Variants in PTPRD observed in about 807,000 individuals in gnomAD.
The protein encoded by PTPRD is receptor-type tyrosine-protein phosphatase delta.
PTPRD carries 34 observed loss-of-function variants against 214.5 expected under a neutral mutation model. That is an observed-to-expected ratio of 0.16 (90% CI 0.12 to 0.21). PTPRD has a LOEUF of 0.21. Ranked by LOEUF, PTPRD falls within the 10% of genes least tolerant of loss-of-function variation. The probability of loss-of-function intolerance (pLI) is 1.00; values close to 1 mark genes in which losing one functional copy is unlikely to be tolerated. For synonymous variants in PTPRD, 1,128 were observed against 845.7 expected (o/e 1.33, Z -5.79); for missense variants, 2,545 against 2,398.7 (o/e 1.06, Z -1.27).
At chr9:8,705,818 AT>A (rs2098194180) in intron 12 of PTPRD, among the ~76,000 whole-genome samples, 1 of 152,218 alleles carries the variant, frequency 6.6e-6, no homozygotes, top group Non-Finnish European at 1.5e-5. Context: ...AGTAAAGGCA[AT>A]TCCCTAGGTG....
chr9:9,444,371 G>A (rs2089591854), intron 8 of PTPRD, among the ~76,000 whole-genome samples: 1 of 152,114 alleles, frequency 6.6e-6, no homozygotes, highest in Non-Finnish European at 1.5e-5. Flanking sequence ...TCTGAGTTAT[G>A]TAAATCCTTC....
intron 36 of PTPRD, among the ~76,000 whole-genome samples, chr9:8,396,330 C>A (rs949070790): frequency 2.6e-5 from 4 of 152,046 alleles, no homozygotes; most frequent in African/African-American, 4.8e-5. Flanking sequence ...CTGGAAGGCC[C>A]CTTTCTAGCT....
chr9:10,129,543 G>T (rs1412206008), intron 3 of PTPRD, among the ~76,000 whole-genome samples: 2 of 113,816 alleles, frequency 1.8e-5, no homozygotes, highest in African/African-American at 3.3e-5. Context: ...GTCTTTTCTT[G>T]GTTCCTTCTC....
At chr9:8,378,432 A>C (rs75038512) in intron 37 of PTPRD, among the ~76,000 whole-genome samples, 57 of 151,974 alleles carry the variant, frequency 3.8e-4, no homozygotes, top group South Asian at 6.2e-4. Flanking sequence ...GAGAAAAAAA[A>C]AATTAACAAA....
chr9:10,525,727 A>AGTGTGT (rs398010299), intron 2 of PTPRD, among the ~76,000 whole-genome samples: 9,417 of 146,970 alleles, frequency 0.064, 629 homozygotes, highest in African/African-American at 0.18. Context: ...AGATTTTCAA[A>AGTGTGT]GTGTGTGTGT....
intron 14 of PTPRD, among the ~76,000 whole-genome samples, chr9:8,547,518 C>T (rs1328307163): frequency 6.6e-6 from 1 of 151,810 alleles, no homozygotes; most frequent in Non-Finnish European, 1.5e-5. Flanking sequence ...TGGCATGTGC[C>T]TGTAGTACCA....
chr9:8,931,411 G>A (rs547640978), intron 11 of PTPRD, among the ~76,000 whole-genome samples: 6 of 152,248 alleles, frequency 3.9e-5, no homozygotes, highest in Non-Finnish European at 8.8e-5. Context: ...CTCCAGCTTT[G>A]TTCTTTTGGC....
intron 8 of PTPRD, among the ~76,000 whole-genome samples, chr9:9,509,150 A>G (rs1043389946): frequency 2.0e-5 from 3 of 151,768 alleles, no homozygotes; most frequent in African/African-American, 7.2e-5. Context: ...GGAGCAATAC[A>G]TGGAGGAAAA....
intron 11 of PTPRD, among the ~76,000 whole-genome samples, chr9:8,950,281 T>C (rs2099094413): frequency 6.6e-6 from 1 of 152,130 alleles, no homozygotes; most frequent in African/African-American, 2.4e-5. Context: ...TTATGCATGG[T>C]TGTGAGATAG....
intron 9 of PTPRD, among the ~76,000 whole-genome samples, chr9:9,393,575 C>A (rs1477707701): frequency 1.3e-5 from 2 of 152,074 alleles, no homozygotes; most frequent in East Asian, 1.9e-4. Context: ...CCACTCTCAG[C>A]ATCATGAGGA....
chr9:8,840,756 A>ATT (rs77917780), intron 11 of PTPRD, among the ~76,000 whole-genome samples: 1 of 150,508 alleles, frequency 6.6e-6, no homozygotes, highest in Non-Finnish European at 1.5e-5. Flanking sequence ...CCCATTCTTA[A>ATT]TTTTTTTTTT....
At chr9:9,076,133 G>T (rs1392251702) in intron 10 of PTPRD, among the ~76,000 whole-genome samples, 1 of 152,112 alleles carries the variant, frequency 6.6e-6, no homozygotes, top group Non-Finnish European at 1.5e-5. Flanking sequence ...TCTCACTGTG[G>T]TCTTGATTTG....
At chr9:8,508,883 GTGTGTGTC>G (rs1230295975) in intron 21 of PTPRD, among the ~76,000 whole-genome samples, 389 of 148,412 alleles carry the variant, frequency 2.6e-3, no homozygotes, top group Admixed American at 3.3e-3. Context: ...ATATGTGTGT[GTGTGTGTC>G]TGTGTGTGTG....
chr9:8,660,564 T>G (rs2097020613), intron 12 of PTPRD, among the ~76,000 whole-genome samples: 1 of 152,108 alleles, frequency 6.6e-6, no homozygotes, highest in Admixed American at 6.6e-5. Flanking sequence ...TCCAGGATCC[T>G]CCCCAGCTGG....
At chr9:10,076,814 G>A (rs2098138830) in intron 3 of PTPRD, among the ~76,000 whole-genome samples, 1 of 152,074 alleles carries the variant, frequency 6.6e-6, no homozygotes, top group African/African-American at 2.4e-5. Context: ...CTTCCTCACA[G>A]CTAAATAAAC....
chr9:8,400,391 C>T (rs901582993), intron 36 of PTPRD, among the ~76,000 whole-genome samples: 3 of 152,160 alleles, frequency 2.0e-5, no homozygotes, highest in Non-Finnish European at 4.4e-5. Context: ...GTTCTGCAAT[C>T]TTATGACTCT....
intron 5 of PTPRD, among the ~76,000 whole-genome samples, chr9:9,921,790 G>C (rs1184006765): frequency 6.6e-6 from 1 of 151,288 alleles, no homozygotes; most frequent in African/African-American, 2.4e-5. Context: ...AAAGACAATA[G>C]TGTAATTGAG....
chr9:10,277,203 A>AAACATAAACATACAACATG, intron 3 of PTPRD, among the ~76,000 whole-genome samples: 1 of 151,680 alleles, frequency 6.6e-6, no homozygotes, highest in East Asian at 1.9e-4. Context: ...CATAAAACAT[A>AAACATAAACATACAACATG]AACATAAACA....
chr9:10,573,022 A>G (rs929906375), intron 2 of PTPRD, among the ~76,000 whole-genome samples: 12 of 152,126 alleles, frequency 7.9e-5, no homozygotes, highest in African/African-American at 2.7e-4. Context: ...CAGATGGGAA[A>G]GTGATTGTTG....
Sources: gnomAD v4.1 joint callset for allele counts (sites outside exome capture counted in the v4.1 genomes callset) on GRCh38, gnomAD v4.1.1 for gene constraint, MANE v1.5 for transcripts, NCBI Gene and HGNC (gene_info 2026-07-23, HGNC 2026-07-21) for gene names.